The following FBXO4 variants were observed in gnomAD, a reference collection of about 807,000 sequenced individuals.
The protein encoded by FBXO4 is F-box protein 4, also known as F-box only protein 4.
Under a neutral mutation model 43.7 loss-of-function variants are expected in FBXO4, and 36 were observed. The ratio of observed to expected loss-of-function variants is 0.82; its 90% CI spans 0.63 to 1.09. FBXO4 has a LOEUF of 1.09. FBXO4 is among the 50% of genes least tolerant of loss of function. The pLI, the probability that FBXO4 is intolerant of heterozygous loss-of-function variation, is 0.00. For missense variants in FBXO4, 435 were observed against 474.1 expected, an observed-to-expected ratio of 0.92 and a Z score of 0.77; for synonymous variants, 180 against 165.6, an observed-to-expected ratio of 1.09 and a Z score of -0.67.
At chr5:42,013,385 T>G in the FBXO4 span, among the ~76,000 whole-genome samples, 1 of 152,214 alleles carries the variant, frequency 6.6e-6, no homozygotes, top group African/African-American at 2.4e-5. Context: ...ATATTTCTTT[T>G]CATATTTCCA....
chr5:41,989,715 A>G, the FBXO4 span, among the ~76,000 whole-genome samples: 1 of 152,274 alleles, frequency 6.6e-6, no homozygotes, highest in East Asian at 1.9e-4. Flanking sequence ...ATGATTTGCT[A>G]ATTCAAGAAG....
chr5:41,925,507 C>T lies in FBXO4; in HGVS notation c.189+9C>T, dbSNP rs937578493. The T allele has an allele frequency of 4.6e-6, 6 of 1,304,344 alleles. No individual in the cohort carries two copies. The African/African-American group carries it at 9.3e-5, about 20-fold the overall frequency. 80.8% of individuals were successfully genotyped at this position (1,304,344 alleles called of 1,614,324 possible). A position where few individuals can be genotyped will look rare whatever the true frequency, so the allele number is the denominator to read the frequency against. ...CCCTGACGCGGCTGCCGGTGAGCGT[C>T]GGCCGCAGGCCGCGGAGGACAGTGG... On this transcript the variant is annotated intron_variant, in intron 1 of 6. Transcript: ENST00000281623.
the FBXO4 span, among the ~76,000 whole-genome samples, chr5:42,027,424 A>G: frequency 6.6e-6 from 1 of 151,230 alleles, no homozygotes; most frequent in Non-Finnish European, 1.5e-5. Flanking sequence ...TTTTATTTAG[A>G]TCTTCTCTTT....
chr5:42,000,262 G>T, the FBXO4 span, among the ~76,000 whole-genome samples: 4 of 152,080 alleles, frequency 2.6e-5, 1 homozygote, highest in Admixed American at 2.6e-4. Flanking sequence ...CTTGGCTATT[G>T]TTAATTATGC....
intron 5 of FBXO4, 38 bp downstream of exon 5, chr5:41,934,346 T>TATCTCTTTCC: frequency 6.2e-7 from 1 of 1,612,820 alleles, no homozygotes; most frequent in Non-Finnish European, 8.5e-7. Context: ...CACATTGTTC[T>TATCTCTTTCC]TTTCAAAGCA....
chr5:42,006,887 G>GATATAT, the FBXO4 span, among the ~76,000 whole-genome samples: 9,441 of 78,820 alleles, frequency 0.12, 937 homozygotes, highest in Non-Finnish European at 0.15. Flanking sequence ...GGTTCATGCT[G>GATATAT]ATATATATAT....
the FBXO4 span, among the ~76,000 whole-genome samples, chr5:42,005,577 T>C: frequency 1.3e-5 from 2 of 152,200 alleles, no homozygotes; most frequent in Non-Finnish European, 2.9e-5. Context: ...TTTTATTGCA[T>C]ATTGGCTACT....
chr5:42,038,764 T>TC, the FBXO4 span, among the ~76,000 whole-genome samples: 1 of 152,066 alleles, frequency 6.6e-6, no homozygotes, highest in Admixed American at 6.6e-5. Flanking sequence ...TATGCTCTCC[T>TC]CCCCACTATC....
chr5:41,990,196 T>C, the FBXO4 span, among the ~76,000 whole-genome samples: 134 of 152,346 alleles, frequency 8.8e-4, no homozygotes, highest in African/African-American at 3.2e-3. Flanking sequence ...ATTTTTGAGA[T>C]CCTATGTATC....
At chr5:41,991,472 A>G in the FBXO4 span, among the ~76,000 whole-genome samples, 3 of 152,154 alleles carry the variant, frequency 2.0e-5, no homozygotes, top group African/African-American at 4.8e-5. Flanking sequence ...TACCCCACAT[A>G]CATTCCTGGG....
chr5:41,999,647 A>G, the FBXO4 span, among the ~76,000 whole-genome samples: 1 of 149,580 alleles, frequency 6.7e-6, no homozygotes, highest in South Asian at 2.1e-4. Flanking sequence ...TGAGGAGCAA[A>G]GGGAGCCAGT....
chr5:41,955,284 G>T, the FBXO4 span, among the ~76,000 whole-genome samples: 2 of 152,014 alleles, frequency 1.3e-5, no homozygotes, highest in Non-Finnish European at 2.9e-5. Flanking sequence ...GAAACATCAG[G>T]ATTTCAATCA....
At chr5:41,998,324 C>T in the FBXO4 span, among the ~76,000 whole-genome samples, 1 of 152,112 alleles carries the variant, frequency 6.6e-6, no homozygotes, top group Non-Finnish European at 1.5e-5. Context: ...CAGGTGCTGC[C>T]CTCACAAATC....
chr5:42,006,916 A>ATATATATATATATG, the FBXO4 span, among the ~76,000 whole-genome samples: 2 of 140,906 alleles, frequency 1.4e-5, no homozygotes, highest in Non-Finnish European at 3.1e-5. Flanking sequence ...ATATATATAT[A>ATATATATATATATG]TGTATATACA....
chr5:41,973,504 C>T, the FBXO4 span, among the ~76,000 whole-genome samples: 1 of 152,064 alleles, frequency 6.6e-6, no homozygotes, highest in Admixed American at 6.6e-5. Flanking sequence ...TGGTGAGATC[C>T]TGTTTCTACA....
the FBXO4 span, among the ~76,000 whole-genome samples, chr5:41,977,024 T>A: frequency 5.9e-5 from 9 of 152,208 alleles, no homozygotes; most frequent in African/African-American, 2.2e-4. Context: ...TGGCTCAAGC[T>A]GTACCTGGGT....
the FBXO4 span, among the ~76,000 whole-genome samples, chr5:41,972,027 T>C: frequency 5.3e-5 from 8 of 151,920 alleles, no homozygotes; most frequent in Non-Finnish European, 2.9e-5. Context: ...TGAGAACATA[T>C]ACAAGACAAG....
the FBXO4 span, among the ~76,000 whole-genome samples, chr5:42,022,481 C>G: frequency 6.6e-6 from 1 of 152,096 alleles, no homozygotes; most frequent in Non-Finnish European, 1.5e-5. Flanking sequence ...ACAATAGTTA[C>G]ACTGAGTTTA....
At chr5:41,996,779 A>T in the FBXO4 span, among the ~76,000 whole-genome samples, 4 of 152,326 alleles carry the variant, frequency 2.6e-5, no homozygotes, top group South Asian at 8.3e-4. Flanking sequence ...CACTAGAAAG[A>T]ATACCTCAGC....
Sources: gnomAD v4.1 joint callset for allele counts (sites outside exome capture counted in the v4.1 genomes callset) on GRCh38, gnomAD v4.1.1 for gene constraint, MANE v1.5 for transcripts, NCBI Gene and HGNC (gene_info 2026-07-23, HGNC 2026-07-21) for gene names.